Variants in CBFB observed in about 807,000 individuals in gnomAD.
The protein encoded by CBFB is CBF-beta.
Under a neutral mutation model 30.4 loss-of-function variants are expected in CBFB, and 9 were observed. The observed-to-expected ratio is 0.30, with a 90% CI of 0.18 to 0.52. CBFB has a LOEUF of 0.52. Among genes scored for constraint, CBFB ranks in the 20% least tolerant of loss-of-function variants. The pLI is 0.97. For missense variants in CBFB, 170 were observed against 244.0 expected, an observed-to-expected ratio of 0.70 and a Z score of 2.02; for synonymous variants, 94 against 84.0, an observed-to-expected ratio of 1.12 and a Z score of -0.65.
intron 2 of CBFB, chr16:67,030,075 A>C: frequency 1.6e-4 from 58 of 362,172 alleles, no homozygotes; most frequent in East Asian, 5.1e-4. Context: ...AGCCAGACTA[A>C]ACAAGCGAAG....
chr16:67,054,249 T>C (rs1960648613), intron 3 of CBFB, among the ~76,000 whole-genome samples: 1 of 152,186 alleles, frequency 6.6e-6, no homozygotes, highest in Admixed American at 6.5e-5. Context: ...TACGATACTT[T>C]ATTGTAAGTT....
intron 3 of CBFB, among the ~76,000 whole-genome samples, chr16:67,063,218 A>G (rs987982384): frequency 1.3e-4 from 20 of 152,208 alleles, no homozygotes; most frequent in African/African-American, 4.8e-4. Flanking sequence ...ATGAGCACTT[A>G]TCAGAACAGA....
intron 3 of CBFB, among the ~76,000 whole-genome samples, chr16:67,056,959 C>T (rs929203002): frequency 6.6e-6 from 1 of 151,808 alleles, no homozygotes. Context: ...GGATTACAGG[C>T]GTGAGCCACC....
chr16:67,060,259 C>T (rs1473605627), intron 3 of CBFB, among the ~76,000 whole-genome samples: 1 of 152,174 alleles, frequency 6.6e-6, no homozygotes, highest in Non-Finnish European at 1.5e-5. Flanking sequence ...TGAGCCACCA[C>T]TCCTGGCAGC....
chr16:67,079,575 C>G (rs1961499941), intron 4 of CBFB, among the ~76,000 whole-genome samples: 1 of 130,550 alleles, frequency 7.7e-6, no homozygotes, highest in African/African-American at 2.9e-5. Flanking sequence ...AATCTTGCTG[C>G]TGTACCATGC....
In CBFB at chr16:67,031,177, T is replaced by G. The variant is rs546180335; in HGVS notation, c.165+1364T>G. Among the ~76,000 whole-genome samples the G allele has an allele frequency of 2.0e-5, 3 of 152,298 alleles. No homozygotes were observed. The South Asian group carries it at 6.2e-4, about 32-fold the overall frequency. ...TATTTTAAGTGAAAGCTTTTTAGAG[T>G]TGTAATAGTGAGAAGATACTGGTTA... On this transcript the variant is annotated intron_variant, in intron 2 of 5. Transcript: ENST00000412916.
Position 67,029,400 on chromosome 16 carries a change from G to A in CBFB, c.-8G>A, listed in dbSNP as rs1267718820. Reference sequence around the variant, plus strand: ...CGCGGCCGGCCGGCGCGGCCTCAGGGCGGGAAGATGCCGCGCGTCGTGCCC... The same window carrying A: ...CGCGGCCGGCCGGCGCGGCCTCAGGACGGGAAGATGCCGCGCGTCGTGCCC... On this transcript the variant is annotated 5_prime_UTR_variant, in exon 1 of 6. Coordinates refer to ENST00000412916, the MANE Select transcript of CBFB (RefSeq NM_022845.3). 6.5e-7 allele frequency: 1 copy of A among 1,549,626 alleles called. No homozygotes were observed. The highest frequency in any genetic ancestry group is 2.6e-5 in the East Asian group (1 of 37,886).
At chr16:67,038,904 A>G (rs1244368640) in intron 3 of CBFB, among the ~76,000 whole-genome samples, 1 of 152,226 alleles carries the variant, frequency 6.6e-6, no homozygotes, top group African/African-American at 2.4e-5. Flanking sequence ...TAACTCTACC[A>G]GAAATTAAGT....
At chr16:67,061,598 A>G (rs1374899194) in intron 3 of CBFB, among the ~76,000 whole-genome samples, 1 of 152,254 alleles carries the variant, frequency 6.6e-6, no homozygotes, top group East Asian at 1.9e-4. Context: ...TCATGAATAC[A>G]TGAAAGCACC....
At chr16:67,081,670 G>A (rs1961559653) in intron 4 of CBFB, among the ~76,000 whole-genome samples, 1 of 152,014 alleles carries the variant, frequency 6.6e-6, no homozygotes, top group Non-Finnish European at 1.5e-5. Flanking sequence ...ACCAGGTGCA[G>A]TGGTGCGTGC....
At chr16:67,063,349 C>T (rs1356747986) in intron 3 of CBFB, among the ~76,000 whole-genome samples, 5 of 152,152 alleles carry the variant, frequency 3.3e-5, no homozygotes, top group African/African-American at 7.2e-5. Flanking sequence ...GAAATTGGTT[C>T]ATTGTGGTTT....
At chr16:67,034,566 A>T (rs1014391220) in intron 2 of CBFB, among the ~76,000 whole-genome samples, 1 of 152,216 alleles carries the variant, frequency 6.6e-6, no homozygotes, top group Non-Finnish European at 1.5e-5. Flanking sequence ...TGTGTTTACC[A>T]CTTCTGTCTC....
intron 3 of CBFB, among the ~76,000 whole-genome samples, chr16:67,051,912 TACACAC>T (rs112469458): frequency 0.043 from 6,239 of 143,964 alleles, 187 homozygotes; most frequent in South Asian, 0.077. Context: ...TATATGTGTA[TACACAC>T]ACACACACAC....
At chr16:67,047,688 A>C (rs1474066591) in intron 3 of CBFB, among the ~76,000 whole-genome samples, 1 of 152,066 alleles carries the variant, frequency 6.6e-6, no homozygotes, top group Non-Finnish European at 1.5e-5. Flanking sequence ...GAACCCTTTA[A>C]ATTTTTTTTT....
chr16:67,033,932 G>C (rs1368177686), intron 2 of CBFB, among the ~76,000 whole-genome samples: 1 of 145,948 alleles, frequency 6.9e-6, no homozygotes, highest in African/African-American at 2.6e-5. Flanking sequence ...GGGTTCACAC[G>C]ATTCTCCTGC....
At chr16:67,095,210 C>CAA (rs71145959) in intron 5 of CBFB, among the ~76,000 whole-genome samples, 1,805 of 27,070 alleles carry the variant, frequency 0.067, 148 homozygotes, top group African/African-American at 0.16. Context: ...AAGTGTGTCT[C>CAA]AAAAAAAAAA....
At chr16:67,051,100 G>A (rs1277378430) in intron 3 of CBFB, among the ~76,000 whole-genome samples, 4 of 152,126 alleles carry the variant, frequency 2.6e-5, no homozygotes, top group African/African-American at 4.8e-5. Flanking sequence ...GTGGCTAAGC[G>A]GGGACTACTG....
At chr16:67,077,101 A>G (rs1385269280) in intron 4 of CBFB, among the ~76,000 whole-genome samples, 1 of 152,144 alleles carries the variant, frequency 6.6e-6, no homozygotes, top group Admixed American at 6.6e-5. Context: ...TGAGAATGTT[A>G]TTTTCTTATA....
At chr16:67,074,590 C>T (rs1317964880) in intron 4 of CBFB, among the ~76,000 whole-genome samples, 4 of 152,012 alleles carry the variant, frequency 2.6e-5, no homozygotes, top group Non-Finnish European at 4.4e-5. Flanking sequence ...ACCATGTTGG[C>T]CACGCTGGTC....
Sources: gnomAD v4.1 joint callset for allele counts (sites outside exome capture counted in the v4.1 genomes callset) on GRCh38, gnomAD v4.1.1 for gene constraint, MANE v1.5 for transcripts, NCBI Gene and HGNC (gene_info 2026-07-23, HGNC 2026-07-21) for gene names.